The following CFAP46 variants were observed in gnomAD, a reference collection of about 807,000 sequenced individuals.
CFAP46 encodes cilia- and flagella-associated protein 46.
CFAP46 carries 245 observed loss-of-function variants against 325.7 expected under a neutral mutation model. That is an observed-to-expected ratio of 0.75 (90% CI 0.68 to 0.84). The LOEUF (loss-of-function observed/expected upper bound fraction) is 0.84. CFAP46 is among the 40% of genes least tolerant of loss of function. CFAP46 has a pLI of 0.00. For synonymous variants in CFAP46, 1,523 were observed against 1,495.9 expected (o/e 1.02, Z -0.42); for missense variants, 3,346 against 3,543.0 (o/e 0.94, Z 1.41).
intron 22 of CFAP46, chr10:132,908,241 C>A: frequency 1.7e-6 from 1 of 571,756 alleles, no homozygotes; most frequent in Non-Finnish European, 3.1e-6. Flanking sequence ...TGCTCACCTG[C>A]TCCCTGATCT....
chr10:132,910,669 G>A (rs182711494), intron 19 of CFAP46, among the ~76,000 whole-genome samples: 20 of 152,260 alleles, frequency 1.3e-4, no homozygotes, highest in Admixed American at 5.9e-4. Flanking sequence ...ACTGGCCACC[G>A]GGAGTGACCT....
chr10:132,908,315 G>A (rs548988957), intron 22 of CFAP46, 153 bp downstream of exon 22: 34 of 795,382 alleles, frequency 4.3e-5, no homozygotes, highest in East Asian at 2.6e-4. Flanking sequence ...GCTCACACGC[G>A]CCCTGATCTG....
chr10:132,922,560 A>T lies in CFAP46; in HGVS notation c.1405T>A (p.Ser469Thr). ...GTGGTGCACAGACGCAGCCGGGTGG[A>T]GGCCATCTGGATCCTGTCCCGGTAG... ...GLYRDRIQMA[S>T]TRLRLCTTLY... Residue 469 changes from serine to threonine, a missense_variant, in exon 12 of 58, where the codon TCC (serine) becomes ACC (threonine). Transcript: ENST00000368586. 1 of 1,548,302 alleles carries T rather than the reference A, an allele frequency of 6.5e-7. No homozygotes were observed. Among genetic ancestry groups the T allele is most frequent in the Non-Finnish European group, 8.7e-7 (1 of 1,146,786 alleles).
At chr10:132,900,241 A>G (rs2135482977) in intron 22 of CFAP46, among the ~76,000 whole-genome samples, 1 of 152,308 alleles carries the variant, frequency 6.6e-6, no homozygotes, top group Non-Finnish European at 1.5e-5. Flanking sequence ...CCAAGCCCAC[A>G]TGGAAGTCTG....
chr10:132,866,304 CTA>C, intron 34 of CFAP46, 133 bp from the exon 35 acceptor site: 1 of 1,007,796 alleles, frequency 9.9e-7, no homozygotes, highest in African/African-American at 1.7e-5. Context: ...CCCTGCTGGC[CTA>C]GGCACCATGG....
chr10:132,925,146 C>T (rs112466389), intron 10 of CFAP46, among the ~76,000 whole-genome samples: 7 of 152,156 alleles, frequency 4.6e-5, no homozygotes, highest in South Asian at 2.1e-4. Flanking sequence ...GTGGACTCAG[C>T]GGGCGCTGCT....
intron 7 of CFAP46, among the ~76,000 whole-genome samples, chr10:132,935,129 A>G (rs1849972191): frequency 6.6e-6 from 1 of 152,080 alleles, no homozygotes; most frequent in Non-Finnish European, 1.5e-5. Context: ...CACCCCACAT[A>G]GGAGCCAAAC....
Position 132,913,041 on chromosome 10 carries a change from C to A in CFAP46, c.2333+5G>T, listed in dbSNP as rs749154272. On this transcript the variant is annotated splice_donor_5th_base_variant and intron_variant, in intron 18 of 57. Coordinates refer to ENST00000368586, the MANE Select transcript of CFAP46 (RefSeq NM_001200049.3). ...CTGCGTGAACGCAGCACAGCCCACACGCACCCACTGTGGCCTGTGGCCTTA... is the reference window on the plus strand; with the variant it reads ...CTGCGTGAACGCAGCACAGCCCACAAGCACCCACTGTGGCCTGTGGCCTTA... 3 of 1,549,280 alleles carry A rather than the reference C, an allele frequency of 1.9e-6. No homozygotes were observed. Among genetic ancestry groups the A allele is most frequent in the Non-Finnish European group, 2.6e-6 (3 of 1,146,694 alleles).
chr10:132,925,480 G>A (rs1158650312), intron 10 of CFAP46, among the ~76,000 whole-genome samples: 1 of 152,250 alleles, frequency 6.6e-6, no homozygotes, highest in Non-Finnish European at 1.5e-5. Context: ...GTACGCCGGT[G>A]CCGGCCCCTC....
At chr10:132,874,578 C>T (rs1267450476) in intron 31 of CFAP46, among the ~76,000 whole-genome samples, 10 of 33,366 alleles carry the variant, frequency 3.0e-4, no homozygotes, top group African/African-American at 9.5e-4. Flanking sequence ...AAATTATTAG[C>T]GAATAGAAAT....
chr10:132,908,309 A>G, intron 22 of CFAP46, 159 bp downstream of exon 22: 1 of 817,418 alleles, frequency 1.2e-6, no homozygotes. Flanking sequence ...TGGGGCGCTC[A>G]CACGCGCCCT....
intron 22 of CFAP46, among the ~76,000 whole-genome samples, chr10:132,904,233 C>T (rs535621031): frequency 1.8e-4 from 27 of 152,244 alleles, no homozygotes; most frequent in Non-Finnish European, 3.1e-4. Flanking sequence ...TGGGGAAGGG[C>T]CTGTGGCTCT....
At chr10:132,915,189 A>C (rs73395212) in intron 17 of CFAP46, among the ~76,000 whole-genome samples, 4,147 of 152,356 alleles carry the variant, frequency 0.027, 106 homozygotes, top group African/African-American at 0.069. Context: ...CAGGCTGCAA[A>C]CGGCTTGAGC....
At position 132,919,633 on chromosome 10, in the gene CFAP46, C is replaced by T. The variant is rs1849691131; in HGVS notation, c.1731-191G>A. On this transcript the variant is annotated intron_variant, in intron 14 of 57. Transcript: ENST00000368586. This position sits in a 1 kb window ranked among gnomAD's most constrained non-coding sequence, Gnocchi z 9.7. ...TCCCAGGGTCGGGCGCAGCTCTCCG[C>T]TCTCCCTGCCAGCCAGCTGTGCGCG... is the stretch of plus-strand genomic sequence containing the variant. Among the ~76,000 whole-genome samples the T allele has an allele frequency of 6.6e-6, 1 of 152,084 alleles. No homozygotes were observed. The highest frequency in any genetic ancestry group is 2.4e-5 in the African/African-American group (1 of 41,434).
chr10:132,883,439 G>A (rs1849076110), intron 27 of CFAP46, among the ~76,000 whole-genome samples: 1 of 152,238 alleles, frequency 6.6e-6, no homozygotes. Flanking sequence ...TTTCACCCCT[G>A]CCGGCACAGC....
chr10:132,845,951 G>A lies in CFAP46; in HGVS notation c.6438+106C>T, dbSNP rs1439757917. ...GGGGAGGGATGGCTCATGAGCTGGG[G>A]GGTGAGCAAGGCTGCCTCGCTCAGG... On this transcript the variant is annotated intron_variant, in intron 44 of 57. Transcript: ENST00000368586. 13 of 1,260,980 alleles carry A rather than the reference G, an allele frequency of 1.0e-5. No homozygotes were observed. The East Asian group carries it at 2.3e-4, about 22-fold the overall frequency. 78.1% of individuals were successfully genotyped at this position (1,260,980 alleles called of 1,614,324 possible). A position where few individuals can be genotyped will look rare whatever the true frequency, so the allele number is the denominator to read the frequency against.
At position 132,938,740 on chromosome 10, in the gene CFAP46, C is replaced by G. The variant is rs190740315; in HGVS notation, c.385G>C (p.Val129Leu). 8.4e-5 allele frequency: 135 copies of G among 1,612,444 alleles called. No individual in the cohort carries two copies. In the East Asian group the frequency reaches 2.9e-3, roughly 34 times the overall value. The change falls in exon 5 of 58, where the codon GTG becomes CTG. Residue 129 changes from valine (V) to leucine (L), a missense_variant. By Grantham distance (32) the Val-to-Leu change is conservative (BLOSUM62 1). Transcript: ENST00000368586. Reference sequence around the variant, plus strand: ...CAGTAGAGGACTGATGCATTGTACACCAAAAAGTAGTACCTGCGGCGCGAG... The same window carrying G: ...CAGTAGAGGACTGATGCATTGTACAGCAAAAAGTAGTACCTGCGGCGCGAG... ...AKGEPRYYFLVYNASVLYWQM... is the reference protein window; with the variant it reads ...AKGEPRYYFLLYNASVLYWQM...
chr10:132,908,357 G>GT, intron 22 of CFAP46, 111 bp downstream of exon 22: 1 of 1,348,152 alleles, frequency 7.4e-7, no homozygotes, highest in Non-Finnish European at 1.0e-6. Flanking sequence ...CTCCCTGCCC[G>GT]TTTTGGGGAA....
chr10:132,832,263 A>G lies in CFAP46; in HGVS notation c.7117+1095T>C, dbSNP rs1848157826. On this transcript the variant is annotated intron_variant, in intron 50 of 57. Transcript: ENST00000368586. This position sits in a 1 kb window ranked among gnomAD's most constrained non-coding sequence, Gnocchi z 4.1. ...TGTCTTCCTGCTGAGGGCTCTGCAG[A>G]TCTCGGAGTGGCCGTTCCTTGCAGC... is the stretch of plus-strand genomic sequence containing the variant. Among the ~76,000 whole-genome samples the G allele has an allele frequency of 6.6e-6, 1 of 151,776 alleles. No homozygotes were observed. Among genetic ancestry groups the G allele is most frequent in the Non-Finnish European group, 1.5e-5 (1 of 67,954 alleles).
Sources: gnomAD v4.1 joint callset for allele counts (sites outside exome capture counted in the v4.1 genomes callset) on GRCh38, gnomAD v4.1.1 for gene constraint, Gnocchi (gnomAD v3.1) non-coding constraint, MANE v1.5 for transcripts, NCBI Gene and HGNC (gene_info 2026-07-23, HGNC 2026-07-21) for gene names.